ACO2: variants seen among roughly 807,000 people sequenced by gnomAD.
The protein encoded by ACO2 is aconitate hydratase, mitochondrial.
A neutral mutation model predicts 84.5 loss-of-function variants in ACO2; 31 were observed. The ratio of observed to expected loss-of-function variants is 0.37; its 90% confidence interval spans 0.28 to 0.50. The LOEUF (loss-of-function observed/expected upper bound fraction) is 0.50. Ranked by LOEUF, ACO2 falls within the 20% of genes least tolerant of loss-of-function variation. The pLI, the probability that ACO2 is intolerant of heterozygous loss-of-function variation, is 0.97. For missense variants in ACO2, 685 were observed against 1,029.3 expected (o/e 0.67, Z 4.58); for synonymous variants, 414 against 412.7 (o/e 1.00, Z -0.04).
At position 41,517,348 on chromosome 22, in the gene ACO2, C is replaced by T. The variant is rs2066483376; in HGVS notation, c.836-179C>T. On this transcript the variant is annotated intron_variant, in intron 6 of 17. Transcript: ENST00000216254. ...CTCTGATCCCCATGGCCTCCCCTCA[C>T]CGGCCCAGGTTTTTACCCAGGGCCT... 2.2e-5 allele frequency: 13 copies of T among 593,526 alleles called. No individual in the cohort carries two copies. In the South Asian group the frequency reaches 2.2e-4, roughly 10 times the overall value. The allele number at this position is 593,526 out of a possible 1,614,324, so 36.8% of individuals were successfully genotyped here. A position where few individuals can be genotyped will look rare whatever the true frequency, so the allele number is the denominator to read the frequency against.
Position 41,515,831 on chromosome 22 carries a change from A to T in ACO2, c.749A>T (p.Lys250Met). The part of the protein sequence containing the change: ...GWSSPKDVIL[K>M]VAGILTVKGG... ...TCCTCACCCAAAGATGTGATCCTGA[A>T]GGTGGCAGGCATCCTCACGGTGAAA... The change falls in exon 6 of 18, where the codon AAG (lysine) becomes ATG (methionine). Residue 250 changes from lysine (K) to methionine (M), a missense_variant. Coordinates refer to ENST00000216254, the MANE Select transcript of ACO2 (RefSeq NM_001098.3). The surrounding 1 kb of genome is among the most constrained non-coding windows in gnomAD (Gnocchi z 5.8). 1.2e-6 allele frequency: 2 copies of T among 1,614,198 alleles called. No homozygotes were observed. Among genetic ancestry groups the T allele is most frequent in the Non-Finnish European group, 8.5e-7 (1 of 1,180,034 alleles).
intron 2 of ACO2, among the ~76,000 whole-genome samples, chr22:41,502,059 A>G (rs1174791947): frequency 1.3e-5 from 2 of 152,052 alleles, no homozygotes; most frequent in Non-Finnish European, 2.9e-5. Context: ...GGTTGGGGAA[A>G]TACCCTAAGG....
intron 2 of ACO2, among the ~76,000 whole-genome samples, chr22:41,507,290 T>TG (rs2066400691): frequency 6.6e-6 from 1 of 151,904 alleles, no homozygotes; most frequent in African/African-American, 2.4e-5. Context: ...GGTGGACAGG[T>TG]GAAGGGGATG....
chr22:41,497,224 A>G (rs940303283), intron 1 of ACO2, among the ~76,000 whole-genome samples: 12 of 151,934 alleles, frequency 7.9e-5, no homozygotes, highest in African/African-American at 2.9e-4. Context: ...GCCCGCCACC[A>G]TGCCCAGCTA....
rs1345821790 is a variant in ACO2, at chr22:41,528,461, C to T, written c.2209-18C>T. ...ACAGTACCCACCACTTCCACCCACA[C>T]CCACCTTCTCCTTGCAGCCCCTGAA... is the stretch of plus-strand genomic sequence containing the variant. On this transcript the variant is annotated intron_variant, in intron 17 of 17. Transcript: ENST00000216254. 1.9e-6 allele frequency: 3 copies of T among 1,611,028 alleles called. No individual in the cohort carries two copies. Among genetic ancestry groups the T allele is most frequent in the Non-Finnish European group, 2.5e-6 (3 of 1,179,560 alleles).
intron 1 of ACO2, among the ~76,000 whole-genome samples, chr22:41,471,189 C>T (rs929285736): frequency 6.6e-6 from 1 of 152,192 alleles, no homozygotes; most frequent in East Asian, 1.9e-4. Context: ...GAGTTTACAA[C>T]CATCACGTAG....
chr22:41,527,745 A>G, intron 16 of ACO2, 156 bp from the exon 17 acceptor site: 1 of 1,233,580 alleles, frequency 8.1e-7, no homozygotes, highest in East Asian at 2.4e-5. Context: ...GGGCACCCCT[A>G]GTGAAAGGGA....
At chr22:41,479,884 C>T (rs762385723) in intron 1 of ACO2, among the ~76,000 whole-genome samples, 6 of 152,196 alleles carry the variant, frequency 3.9e-5, no homozygotes, top group Non-Finnish European at 7.3e-5. Context: ...GTCAGATGAG[C>T]GAATCTGTCA....
chr22:41,514,196 T>C (rs930903027), intron 4 of ACO2, among the ~76,000 whole-genome samples: 4 of 152,158 alleles, frequency 2.6e-5, no homozygotes, highest in African/African-American at 7.2e-5. Flanking sequence ...TCTGTAAGAT[T>C]TCTGGGAGCA....
chr22:41,499,689 G>T, intron 1 of ACO2, 37 bp from the exon 2 acceptor site: 3 of 1,604,444 alleles, frequency 1.9e-6, no homozygotes, highest in Non-Finnish European at 2.5e-6. Context: ...TCTCCTAAGT[G>T]CTCCATTGAC....
At chr22:41,480,046 T>C (rs1275468327) in intron 1 of ACO2, among the ~76,000 whole-genome samples, 3 of 152,208 alleles carry the variant, frequency 2.0e-5, no homozygotes, top group Admixed American at 2.0e-4. Flanking sequence ...CCAAGCTAGC[T>C]GACTGCCTGC....
chr22:41,525,774 G>A (rs990959792), intron 14 of ACO2: 14 of 218,120 alleles, frequency 6.4e-5, no homozygotes, highest in Admixed American at 5.7e-4. Context: ...GATGGCTTGT[G>A]TTTGGCACCG....
intron 1 of ACO2, among the ~76,000 whole-genome samples, chr22:41,478,919 C>T (rs2038054109): frequency 6.6e-6 from 1 of 151,992 alleles, no homozygotes; most frequent in Admixed American, 6.6e-5. Flanking sequence ...CAGAGGCATG[C>T]GCCACCACAC....
At chr22:41,518,835 A>G (rs1392647290) in intron 8 of ACO2, among the ~76,000 whole-genome samples, 1 of 152,184 alleles carries the variant, frequency 6.6e-6, no homozygotes, top group Non-Finnish European at 1.5e-5. Flanking sequence ...AATCCCAGCT[A>G]TTCAGGAGGC....
At chr22:41,481,900 G>A (rs141023277) in intron 1 of ACO2, among the ~76,000 whole-genome samples, 167 of 152,292 alleles carry the variant, frequency 1.1e-3, no homozygotes, top group African/African-American at 3.9e-3. Context: ...TCCCCATGGA[G>A]CTTATATTTT....
At chr22:41,490,276 A>G (rs535618754) in intron 1 of ACO2, among the ~76,000 whole-genome samples, 1 of 152,290 alleles carries the variant, frequency 6.6e-6, no homozygotes, top group South Asian at 2.1e-4. Context: ...CAGCCAGCCG[A>G]GACTGCGCCA....
intron 1 of ACO2, among the ~76,000 whole-genome samples, chr22:41,474,659 C>T (rs569579505): frequency 1.6e-4 from 20 of 126,400 alleles, no homozygotes; most frequent in Admixed American, 6.9e-4. Flanking sequence ...AGTGCAGTGG[C>T]GCGATCTTGG....
intron 1 of ACO2, among the ~76,000 whole-genome samples, chr22:41,480,669 A>G (rs947076560): frequency 5.9e-5 from 9 of 152,142 alleles, no homozygotes; most frequent in Admixed American, 5.2e-4. Flanking sequence ...CCTTTCGTAT[A>G]TATTTTTTGT....
At chr22:41,509,062 C>T (rs564282973) in intron 3 of ACO2, among the ~76,000 whole-genome samples, 6 of 152,276 alleles carry the variant, frequency 3.9e-5, no homozygotes, top group Admixed American at 1.3e-4. Context: ...TCCTGCCTGC[C>T]GGCCGGCGGT....
Sources: allele counts gnomAD v4.1 joint callset (sites outside exome capture counted in the v4.1 genomes callset), GRCh38; gene constraint gnomAD v4.1.1; non-coding constraint Gnocchi (gnomAD v3.1); transcripts MANE v1.5; gene names NCBI Gene and HGNC (gene_info 2026-07-23, HGNC 2026-07-21).